Variants in CIMIP5 observed in about 807,000 individuals in gnomAD.
CIMIP5 encodes the protein uncharacterized protein C2orf50.
the CIMIP5 span, chr2:11,146,039 C>A: frequency 6.6e-6 from 1 of 152,186 alleles, no homozygotes; most frequent in Non-Finnish European, 1.5e-5. Flanking sequence ...AATGCCAGGC[C>A]TCAAGCTTGA....
the CIMIP5 span, among the ~76,000 whole-genome samples, chr2:11,142,146 A>G: frequency 1.6e-4 from 24 of 151,942 alleles, no homozygotes; most frequent in Admixed American, 3.9e-4. Context: ...CATGCCTGTA[A>G]TTCCAGCTAC....
At chr2:11,137,405 G>C in the CIMIP5 span, among the ~76,000 whole-genome samples, 2 of 152,024 alleles carry the variant, frequency 1.3e-5, no homozygotes, top group Non-Finnish European at 2.9e-5. Context: ...AGAACTTGTA[G>C]AAATAAAAAT....
the CIMIP5 span, among the ~76,000 whole-genome samples, chr2:11,140,257 C>A: frequency 6.6e-6 from 1 of 151,670 alleles, no homozygotes; most frequent in Non-Finnish European, 1.5e-5. Flanking sequence ...TGCCTGTAGT[C>A]CCAGCTACTC....
the CIMIP5 span, chr2:11,140,644 C>A: frequency 1.0e-6 from 1 of 969,440 alleles, no homozygotes; most frequent in Admixed American, 2.0e-5. Flanking sequence ...ATCTACTCTA[C>A]ACCAGATACT....
the CIMIP5 span, among the ~76,000 whole-genome samples, chr2:11,138,748 C>G: frequency 3.3e-5 from 5 of 152,094 alleles, no homozygotes; most frequent in Admixed American, 6.6e-5. Context: ...CCTTCTCTCT[C>G]CTTTGCTCCT....
chr2:11,143,913 T>C, the CIMIP5 span: 1 of 1,567,366 alleles, frequency 6.4e-7, no homozygotes, highest in Non-Finnish European at 8.7e-7. Flanking sequence ...CTGTCCCCTC[T>C]CCTCAGGGCA....
chr2:11,140,799 G>T, the CIMIP5 span, among the ~76,000 whole-genome samples: 1 of 152,112 alleles, frequency 6.6e-6, no homozygotes, highest in Non-Finnish European at 1.5e-5. Flanking sequence ...GAAATGACAG[G>T]CATCTGTTGC....
the CIMIP5 span, among the ~76,000 whole-genome samples, chr2:11,149,551 C>G: frequency 6.6e-6 from 1 of 151,854 alleles, no homozygotes; most frequent in African/African-American, 2.4e-5. Flanking sequence ...GCTAAAAATA[C>G]AAAAAATTAG....
the CIMIP5 span, among the ~76,000 whole-genome samples, chr2:11,141,516 C>T: frequency 6.6e-6 from 1 of 152,162 alleles, no homozygotes; most frequent in Non-Finnish European, 1.5e-5. Flanking sequence ...GACTCCTATT[C>T]ACTCTTCAAG....
chr2:11,133,294 TC>T, the CIMIP5 span: 1 of 1,530,112 alleles, frequency 6.5e-7, no homozygotes, highest in East Asian at 2.4e-5. Flanking sequence ...TCTCTCTCTC[TC>T]TCTCTGACAC....
the CIMIP5 span, among the ~76,000 whole-genome samples, chr2:11,153,125 C>T: frequency 6.6e-6 from 1 of 152,218 alleles, no homozygotes; most frequent in Non-Finnish European, 1.5e-5. Flanking sequence ...GTCTGCCTAA[C>T]CCCGAAGGGC....
chr2:11,135,743 G>A, the CIMIP5 span, among the ~76,000 whole-genome samples: 1 of 150,410 alleles, frequency 6.6e-6, no homozygotes. Context: ...CTCACTGCAA[G>A]TTCTGGCCAG....
At chr2:11,148,279 G>C in the CIMIP5 span, among the ~76,000 whole-genome samples, 2 of 152,034 alleles carry the variant, frequency 1.3e-5, no homozygotes, top group African/African-American at 4.8e-5. Context: ...CACCACACCC[G>C]GCTAATTTTG....
At chr2:11,153,593 C>T in the CIMIP5 span, among the ~76,000 whole-genome samples, 1 of 152,332 alleles carries the variant, frequency 6.6e-6, no homozygotes, top group African/African-American at 2.4e-5. Flanking sequence ...ACACCTGGCA[C>T]GCAGGAGGCA....
chr2:11,152,023 G>T, the CIMIP5 span, among the ~76,000 whole-genome samples: 1 of 152,236 alleles, frequency 6.6e-6, no homozygotes, highest in African/African-American at 2.4e-5. Flanking sequence ...GGAATCACAC[G>T]GGGGTCGAAG....
chr2:11,141,427 C>A, the CIMIP5 span, among the ~76,000 whole-genome samples: 8 of 152,032 alleles, frequency 5.3e-5, no homozygotes, highest in African/African-American at 1.7e-4. Context: ...CACACCCAGC[C>A]CCCACAACAC....
chr2:11,133,556 G>A, the CIMIP5 span: 4 of 1,605,218 alleles, frequency 2.5e-6, no homozygotes, highest in Admixed American at 5.0e-5. Context: ...TGTGGCGGGA[G>A]CTCCTGGAGG....
the CIMIP5 span, among the ~76,000 whole-genome samples, chr2:11,136,438 A>G: frequency 6.6e-6 from 1 of 152,196 alleles, no homozygotes; most frequent in South Asian, 2.1e-4. Flanking sequence ...AATAATTAAT[A>G]AGGAGGAGAA....
the CIMIP5 span, among the ~76,000 whole-genome samples, chr2:11,143,295 G>T: frequency 6.6e-6 from 1 of 152,154 alleles, no homozygotes; most frequent in Non-Finnish European, 1.5e-5. Flanking sequence ...CACACATAAT[G>T]TTGAGAGAAA....
Sources: gnomAD v4.1 joint callset for allele counts (sites outside exome capture counted in the v4.1 genomes callset) on GRCh38, gnomAD v4.1.1 for gene constraint, MANE v1.5 for transcripts, NCBI Gene and HGNC (gene_info 2026-07-23, HGNC 2026-07-21) for gene names.